The following KDM2B variants were observed in gnomAD, a reference collection of about 807,000 sequenced individuals.
The protein encoded by KDM2B is lysine demethylase 2B.
Under a neutral mutation model 150.0 loss-of-function variants are expected in KDM2B, and 26 were observed. The ratio of observed to expected loss-of-function variants is 0.17; its 90% confidence interval spans 0.13 to 0.24. The LOEUF (loss-of-function observed/expected upper bound fraction) is 0.24. Among genes scored for constraint, KDM2B ranks in the 10% least tolerant of loss-of-function variants. The probability of loss-of-function intolerance (pLI) is 1.00; values close to 1 mark genes in which losing one functional copy is unlikely to be tolerated. For missense variants in KDM2B, 1,265 were observed against 1,816.9 expected, an observed-to-expected ratio of 0.70 and a Z score of 5.52; for synonymous variants, 734 against 729.5, an observed-to-expected ratio of 1.01 and a Z score of -0.10.
At chr12:121,480,458 G>A (rs1244296276) in intron 12 of KDM2B, among the ~76,000 whole-genome samples, 1 of 151,734 alleles carries the variant, frequency 6.6e-6, no homozygotes, top group Non-Finnish European at 1.5e-5. Context: ...ATTAAGAACA[G>A]GTTCAGGCCA....
At chr12:121,419,483 A>G in the KDM2B span, among the ~76,000 whole-genome samples, 1 of 152,244 alleles carries the variant, frequency 6.6e-6, no homozygotes, top group Non-Finnish European at 1.5e-5. Flanking sequence ...TGCTGCAAAC[A>G]TAAGGCACAG....
intron 21 of KDM2B, chr12:121,440,611 G>T: frequency 3.6e-6 from 2 of 552,270 alleles, no homozygotes; most frequent in Non-Finnish European, 6.4e-6. Context: ...GACGCACGCG[G>T]AGCCCCAGGA....
chr12:121,460,493 G>A (rs921320626), intron 12 of KDM2B, among the ~76,000 whole-genome samples: 1 of 152,208 alleles, frequency 6.6e-6, no homozygotes, highest in Non-Finnish European at 1.5e-5. Context: ...CGACTTCCCA[G>A]GGCTCAGGTG....
intron 11 of KDM2B, among the ~76,000 whole-genome samples, chr12:121,502,025 G>A (rs1459646498): frequency 6.6e-6 from 1 of 152,150 alleles, no homozygotes; most frequent in Non-Finnish European, 1.5e-5. Flanking sequence ...TCAATGAACA[G>A]GTGTGTTCCA....
intron 17 of KDM2B, 120 bp downstream of exon 17, chr12:121,443,560 G>A (rs547373413): frequency 2.6e-5 from 18 of 700,646 alleles, no homozygotes; most frequent in East Asian, 1.5e-4. Flanking sequence ...ATCTGGGGCC[G>A]AGACCTGGGA....
intron 12 of KDM2B, among the ~76,000 whole-genome samples, chr12:121,458,428 T>C (rs1878602250): frequency 6.6e-6 from 1 of 151,710 alleles, no homozygotes; most frequent in South Asian, 2.1e-4. Context: ...TCAACTGACT[T>C]TTCTGCAGAA....
At chr12:121,462,920 A>T (rs1468980889) in intron 12 of KDM2B, among the ~76,000 whole-genome samples, 1 of 151,826 alleles carries the variant, frequency 6.6e-6, no homozygotes, top group Non-Finnish European at 1.5e-5. Flanking sequence ...TGGGCAACAC[A>T]GCAAAATTGC....
rs139146426 is a variant in KDM2B, at chr12:121,488,324, G to C, written c.1734+6255C>G. Among the ~76,000 whole-genome samples, 997 of 152,140 alleles carry C rather than the reference G, an allele frequency of 6.6e-3. 7 individuals carry two copies. The highest frequency in any genetic ancestry group is 0.023 in the African/African-American group (962 of 41,502). ...TATCAAGAACATCAAAAGCCTTCTGGGTGGGCAGATTCAGGGTTACTTTTA... is the reference window on the plus strand; with the variant it reads ...TATCAAGAACATCAAAAGCCTTCTGCGTGGGCAGATTCAGGGTTACTTTTA... On this transcript the variant is annotated intron_variant, in intron 12 of 22. Coordinates refer to ENST00000377071, the MANE Select transcript of KDM2B (RefSeq NM_032590.5).
At position 121,452,734 on chromosome 12, in the gene KDM2B, T is replaced by C. The variant is rs1465080482; in HGVS notation, c.1959+386A>G. ...CTCCTCAGTACCATAAATCACTCCT[T>C]GTTGGGGGCAGCCCCCTGAGATGGG... On this transcript the variant is annotated intron_variant, in intron 13 of 22. Transcript: ENST00000377071. This position sits in a 1 kb window ranked among gnomAD's most constrained non-coding sequence, Gnocchi z 4.4. Among the ~76,000 whole-genome samples the C allele has an allele frequency of 1.3e-5, 2 of 151,758 alleles. No homozygotes were observed. Among genetic ancestry groups the C allele is most frequent in the East Asian group, 1.9e-4 (1 of 5,148 alleles).
chr12:121,473,338 G>A (rs1880971193), intron 12 of KDM2B, among the ~76,000 whole-genome samples: 2 of 150,486 alleles, frequency 1.3e-5, no homozygotes, highest in Non-Finnish European at 2.9e-5. Context: ...GTTGCAGTGA[G>A]CCGAGATGGC....
chr12:121,517,016 G>A (rs1886270739), intron 9 of KDM2B, among the ~76,000 whole-genome samples: 2 of 152,034 alleles, frequency 1.3e-5, no homozygotes, highest in African/African-American at 4.8e-5. Context: ...TGGGAAGGCT[G>A]CTTTCACTAG....
intron 4 of KDM2B, among the ~76,000 whole-genome samples, chr12:121,558,895 T>C (rs556096014): frequency 6.6e-6 from 1 of 152,110 alleles, no homozygotes; most frequent in Non-Finnish European, 1.5e-5. Flanking sequence ...CCAGCCTCCT[T>C]TTCTGAGGAA....
chr12:121,543,766 C>G (rs1426835868), intron 6 of KDM2B, among the ~76,000 whole-genome samples: 1 of 151,780 alleles, frequency 6.6e-6, no homozygotes, highest in Non-Finnish European at 1.5e-5. Flanking sequence ...TGCAGTGAGT[C>G]GAGATCATGC....
chr12:121,475,680 G>C (rs1310279403), intron 12 of KDM2B, among the ~76,000 whole-genome samples: 1 of 151,320 alleles, frequency 6.6e-6, no homozygotes, highest in African/African-American at 2.4e-5. Flanking sequence ...GATTGCTTGA[G>C]CCCAAGAGTT....
chr12:121,495,058 T>C (rs1321426978), intron 11 of KDM2B, among the ~76,000 whole-genome samples: 1 of 151,438 alleles, frequency 6.6e-6, no homozygotes, highest in African/African-American at 2.4e-5. Flanking sequence ...AGTGCAGTTG[T>C]ATAATCATAG....
intron 1 of KDM2B, chr12:121,580,545 G>A: frequency 1.6e-6 from 2 of 1,212,956 alleles, no homozygotes; most frequent in Non-Finnish European, 2.1e-6. Context: ...AGTTGCAGGC[G>A]GCGGGCGCAT....
At chr12:121,508,970 A>G (rs1885335064) in intron 11 of KDM2B, among the ~76,000 whole-genome samples, 1 of 152,162 alleles carries the variant, frequency 6.6e-6, no homozygotes, top group African/African-American at 2.4e-5. Context: ...TGCACATGTC[A>G]CACCTGCTGG....
At chr12:121,552,767 C>T (rs1484270498) in intron 4 of KDM2B, among the ~76,000 whole-genome samples, 8 of 152,002 alleles carry the variant, frequency 5.3e-5, no homozygotes, top group African/African-American at 1.7e-4. Flanking sequence ...GGGAAAGCAG[C>T]TTTTGTTTTG....
chr12:121,510,417 T>C (rs1410116858), intron 10 of KDM2B, among the ~76,000 whole-genome samples: 2 of 152,310 alleles, frequency 1.3e-5, no homozygotes, highest in South Asian at 4.1e-4. Context: ...TCAGCTAGTT[T>C]TTTTTTTAAG....
Sources: gnomAD v4.1 joint callset for allele counts (sites outside exome capture counted in the v4.1 genomes callset) on GRCh38, gnomAD v4.1.1 for gene constraint, Gnocchi (gnomAD v3.1) non-coding constraint, MANE v1.5 for transcripts, NCBI Gene and HGNC (gene_info 2026-07-23, HGNC 2026-07-21) for gene names.